Variants in ERBB3 observed in about 807,000 individuals in gnomAD.
The protein encoded by ERBB3 is receptor tyrosine-protein kinase erbB-3.
Under a neutral mutation model 156.7 loss-of-function variants are expected in ERBB3, and 96 were observed. The ratio of observed to expected loss-of-function variants is 0.61; its 90% CI spans 0.52 to 0.73. ERBB3 has a LOEUF of 0.73. Among genes scored for constraint, ERBB3 ranks in the 30% least tolerant of loss-of-function variants. The pLI is 0.00. For synonymous variants in ERBB3, 567 were observed against 632.0 expected, an observed-to-expected ratio of 0.90 and a Z score of 1.54; for missense variants, 1,406 against 1,709.4, an observed-to-expected ratio of 0.82 and a Z score of 3.13.
chr12:56,097,830 G>C lies in ERBB3; in HGVS notation c.2506G>C (p.Ala836Pro), dbSNP rs2136819905. The change falls in exon 21 of 28, where the codon GCT becomes CCT. Residue 836 changes from alanine to proline, a missense_variant. Ala to Pro is a conservative substitution (Grantham distance 27). Around this residue, in one of 3 missense-constraint regions of ERBB3, gnomAD observed 979 missense variants for 1,219.6 expected, o/e 0.80. Coordinates refer to ENST00000267101, the MANE Select transcript of ERBB3 (RefSeq NM_001982.4). ...EEHGMVHRNL[A>P]ARNVLLKSPS... ...ACATGGTATGGTGCATAGAAACCTG[G>C]CTGCCCGAAACGTGCTACTCAAGTC... 3.1e-6 allele frequency: 5 copies of C among 1,614,052 alleles called. No individual in the cohort carries two copies. Among genetic ancestry groups the C allele is most frequent in the Non-Finnish European group, 4.2e-6 (5 of 1,180,020 alleles).
chr12:56,087,721 G>T, intron 5 of ERBB3, 74 bp from the exon 6 acceptor site: 1 of 1,585,068 alleles, frequency 6.3e-7, no homozygotes, highest in East Asian at 2.2e-5. Flanking sequence ...TCAACACTGT[G>T]GGGGAGGCAT....
At position 56,095,655 on chromosome 12, in the gene ERBB3, T is replaced by A. The variant is rs766558873; in HGVS notation, c.1914-10T>A. 5 of 1,614,036 alleles carry A rather than the reference T, an allele frequency of 3.1e-6. No homozygotes were observed. In the African/African-American group the frequency reaches 6.7e-5, roughly 22 times the overall value. ...CCCAGGATAATGTTGGGTTTCTATA[T>A]ATCCCATAGCAAAACCCATCTGACA... On this transcript the variant is annotated splice_polypyrimidine_tract_variant and intron_variant, in intron 16 of 27. Coordinates refer to ENST00000267101, the MANE Select transcript of ERBB3 (RefSeq NM_001982.4).
At chr12:56,100,076 C>A (rs1212442044) in intron 25 of ERBB3, 47 bp downstream of exon 25, 2 of 1,602,128 alleles carry the variant, frequency 1.2e-6, no homozygotes, top group South Asian at 1.1e-5. Flanking sequence ...TGAGCCCTCA[C>A]AAACCCTACA....
chr12:56,100,428 G>A, intron 26 of ERBB3, 183 bp downstream of exon 26: 1 of 633,336 alleles, frequency 1.6e-6, no homozygotes, highest in Non-Finnish European at 2.9e-6. Flanking sequence ...GATCACCTGA[G>A]GTTAGGAGTT....
chr12:56,087,136 CAA>C (rs33927060), intron 4 of ERBB3, among the ~76,000 whole-genome samples: 27 of 125,394 alleles, frequency 2.2e-4, no homozygotes, highest in Non-Finnish European at 2.5e-4. Flanking sequence ...GACCCTGTCT[CAA>C]AAAAAAAAAA....
At chr12:56,082,978 G>T (rs911839946) in intron 1 of ERBB3, among the ~76,000 whole-genome samples, 8 of 152,138 alleles carry the variant, frequency 5.3e-5, no homozygotes, top group Non-Finnish European at 8.8e-5. Flanking sequence ...GTGTTGGGAT[G>T]GGGGAGAGAG....
chr12:56,082,132 G>C (rs1868360866), intron 1 of ERBB3, among the ~76,000 whole-genome samples: 1 of 152,146 alleles, frequency 6.6e-6, no homozygotes, highest in Admixed American at 6.5e-5. Context: ...TGGGCACGTG[G>C]GATAGATGGG....
chr12:56,096,128 C>T, intron 17 of ERBB3: 1 of 509,242 alleles, frequency 2.0e-6, no homozygotes, highest in Non-Finnish European at 3.6e-6. Flanking sequence ...AACATTTGTC[C>T]TTCCAGGATG....
At position 56,101,784 on chromosome 12, in the gene ERBB3, G is replaced by A. The variant is rs2136831023; in HGVS notation, c.3758G>A (p.Gly1253Asp). 5 of 1,613,506 alleles carry A rather than the reference G, an allele frequency of 3.1e-6. No individual in the cohort carries two copies. In the African/African-American group the frequency reaches 6.7e-5, roughly 22 times the overall value. ...LHPVPIMPTA[G>D]TTPDEDYEYM... ...CCTGTACCCATCATGCCCACTGCAG[G>A]CACAACTCCAGATGAAGACTATGAA... The change falls in exon 28 of 28, where the codon GGC (glycine) becomes GAC (aspartate). Residue 1253 changes from glycine to aspartate, a missense_variant. This residue lies in a region of ERBB3 where 415 missense variants were observed against 454.1 expected (regional missense o/e 0.91). Coordinates refer to ENST00000267101, the MANE Select transcript of ERBB3 (RefSeq NM_001982.4).
At chr12:56,086,486 G>C in intron 3 of ERBB3, 45 bp from the exon 4 acceptor site, 1 of 1,613,122 alleles carries the variant, frequency 6.2e-7, no homozygotes, top group Non-Finnish European at 8.5e-7. Flanking sequence ...AGGAAGAGGC[G>C]TTCCGCTGCG....
intron 9 of ERBB3, among the ~76,000 whole-genome samples, chr12:56,092,225 T>TA (rs1214909031): frequency 6.6e-6 from 1 of 151,052 alleles, no homozygotes; most frequent in Non-Finnish European, 1.5e-5. Context: ...CTGTCTCTAC[T>TA]AAAAATACAA....
Position 56,095,731 on chromosome 12 carries a change from C to T in ERBB3, c.1980C>T (p.Gly660=), listed in dbSNP as rs746888057. 3.5e-5 allele frequency: 57 copies of T among 1,613,986 alleles called. No homozygotes were observed. The highest frequency in any genetic ancestry group is 4.0e-5 in the African/African-American group (3 of 74,904). ...AGLVVIFMML[G]GTFLYWRGRR... ...TGGTAGTGATTTTCATGATGCTGGG[C>T]GGCACTTTTCTCTACTGGCGTGGGC... The change falls in exon 17 of 28, where the codon GGC becomes GGT. Residue 660 remains glycine, a synonymous_variant. Transcript: ENST00000267101.
In ERBB3 at chr12:56,095,802, G is replaced by A. The variant is rs764063127; in HGVS notation, c.2051G>A (p.Gly684Asp). 3.1e-6 allele frequency: 5 copies of A among 1,614,172 alleles called. No individual in the cohort carries two copies. The highest frequency in any genetic ancestry group is 3.3e-5 in the Admixed American group (2 of 60,018). Residue 684 changes from glycine (G) to aspartate (D), a missense_variant, in exon 17 of 28, where the codon GGT becomes GAT. Gly to Asp is a moderately conservative substitution (Grantham distance 94). Transcript: ENST00000267101. ...GCTATGAGGCGATACTTGGAACGGG[G>A]TGAGGTGAGTACTTAGCTTACTTTT... Reference protein sequence around the residue: ...KRAMRRYLERGESIEPLDPSE... With the variant: ...KRAMRRYLERDESIEPLDPSE...
At position 56,099,881 on chromosome 12, in the gene ERBB3, G is replaced by A. The variant is rs1195904336; in HGVS notation, c.2981G>A (p.Gly994Asp). The A allele has an allele frequency of 6.2e-7, 1 of 1,614,220 alleles. No individual in the cohort carries two copies. Among genetic ancestry groups the A allele is most frequent in the Admixed American group, 1.7e-5 (1 of 60,028 alleles). Residue 994 changes from glycine (G) to aspartate (D), a missense_variant, in exon 25 of 28, where the codon GGT (glycine) becomes GAT (aspartate). By Grantham distance (94) the Gly-to-Asp change is moderately conservative (BLOSUM62 -1). This residue lies in a region of ERBB3 where 415 missense variants were observed against 454.1 expected (regional missense o/e 0.91). Coordinates refer to ENST00000267101, the MANE Select transcript of ERBB3 (RefSeq NM_001982.4). Reference sequence around the variant, plus strand: ...ATAGCCCCTGGGCCAGAGCCCCATGGTCTGACAAACAAGAAGCTAGAGGAA... The same window carrying A: ...ATAGCCCCTGGGCCAGAGCCCCATGATCTGACAAACAAGAAGCTAGAGGAA... ...PGIAPGPEPH[G>D]LTNKKLEEVE...
At chr12:56,081,011 A>G (rs1346434374) in intron 1 of ERBB3, among the ~76,000 whole-genome samples, 1 of 152,180 alleles carries the variant, frequency 6.6e-6, no homozygotes, top group Non-Finnish European at 1.5e-5. Context: ...AGTATAGCAG[A>G]GCTTAAGCAA....
intron 17 of ERBB3, 51 bp downstream of exon 17, chr12:56,095,857 G>A (rs1447809445): frequency 6.2e-7 from 1 of 1,607,086 alleles, no homozygotes; most frequent in South Asian, 1.1e-5. Flanking sequence ...TGCATGTCCT[G>A]GAAGTCTCTT....
rs1033739414 is a variant in ERBB3, at chr12:56,102,117, G to C, written c.*62G>C. On this transcript the variant is annotated 3_prime_UTR_variant, in exon 28 of 28. Transcript: ENST00000267101. ...GCAGCTAGTGCCTTTAGAGGGTACC[G>C]TCTTCTCCCTATTCCCTCTCTCTCC... 1 of 1,432,662 alleles carries C rather than the reference G, an allele frequency of 7.0e-7. No homozygotes were observed. The highest frequency in any genetic ancestry group is 2.3e-5 in the East Asian group (1 of 44,110). 88.7% of individuals were successfully genotyped at this position (1,432,662 alleles called of 1,614,324 possible). A position where few individuals can be genotyped will look rare whatever the true frequency, so the allele number is the denominator to read the frequency against.
rs1555212770 is a variant in ERBB3, at chr12:56,102,828, A to AAC, written c.*774_*775insCA. Reference sequence around the variant, plus strand: ...CTTTAAAAAAAAAAAAAAAAAAAAAAAAAAAACTTTAGAACTGGGTGCAGT... The same window carrying AAC: ...CTTTAAAAAAAAAAAAAAAAAAAAAAACAAAAAACTTTAGAACTGGGTGCAGT... On this transcript the variant is annotated 3_prime_UTR_variant, in exon 28 of 28. Coordinates refer to ENST00000267101, the MANE Select transcript of ERBB3 (RefSeq NM_001982.4). 4.7e-5 allele frequency: 10 copies of AAC among 214,780 alleles called. No homozygotes were observed. The highest frequency in any genetic ancestry group is 5.9e-5 in the Admixed American group (1 of 16,876). The allele number at this position is 214,780 out of a possible 1,614,324, so 13.3% of individuals were successfully genotyped here.
chr12:56,092,916 A>T, intron 10 of ERBB3, 70 bp from the exon 11 acceptor site: 1 of 1,537,262 alleles, frequency 6.5e-7, no homozygotes, highest in Non-Finnish European at 9.0e-7. Context: ...CCCAAGTTAT[A>T]GGGGAGGAGC....
Sources: gnomAD v4.1 joint callset for allele counts (sites outside exome capture counted in the v4.1 genomes callset) on GRCh38, gnomAD v4.1.1 for gene constraint, gnomAD v4.1.1 regional missense constraint, MANE v1.5 for transcripts, NCBI Gene and HGNC (gene_info 2026-07-23, HGNC 2026-07-21) for gene names.